Variants in CEP250 observed in about 807,000 individuals in gnomAD.
The protein encoded by CEP250 is centrosome-associated protein CEP250.
Under a neutral mutation model 315.7 loss-of-function variants are expected in CEP250, and 242 were observed. The ratio of observed to expected loss-of-function variants is 0.77; its 90% CI spans 0.69 to 0.85. CEP250 has a LOEUF of 0.85. Ranked by LOEUF, CEP250 falls within the 40% of genes least tolerant of loss-of-function variation. CEP250 has a pLI of 0.00. For synonymous variants in CEP250, 1,088 were observed against 1,175.0 expected, an observed-to-expected ratio of 0.93 and a Z score of 1.51; for missense variants, 2,515 against 2,886.4, an observed-to-expected ratio of 0.87 and a Z score of 2.95.
chr20:35,476,656 A>T, intron 16 of CEP250, 61 bp downstream of exon 16: 4 of 1,433,542 alleles, frequency 2.8e-6, no homozygotes, highest in Non-Finnish European at 3.9e-6. Flanking sequence ...AGCAAGACGG[A>T]TCAGCTCCCA....
At chr20:35,495,822 G>A (rs1346167175) in intron 24 of CEP250, among the ~76,000 whole-genome samples, 5 of 152,134 alleles carry the variant, frequency 3.3e-5, no homozygotes, top group Non-Finnish European at 7.4e-5. Flanking sequence ...TGAATCTAGA[G>A]GCAGGAAGAC....
At chr20:35,468,540 A>G (rs2062947688) in intron 9 of CEP250, among the ~76,000 whole-genome samples, 1 of 152,228 alleles carries the variant, frequency 6.6e-6, no homozygotes, top group Non-Finnish European at 1.5e-5. Flanking sequence ...GGAGGTACAT[A>G]CATAAAATGC....
At chr20:35,460,309 G>A (rs980640454) in intron 3 of CEP250, among the ~76,000 whole-genome samples, 2 of 152,164 alleles carry the variant, frequency 1.3e-5, no homozygotes, top group Non-Finnish European at 2.9e-5. Flanking sequence ...AAGTATCTTC[G>A]GTTGTTCAGG....
rs759472608 is a variant in CEP250 at position 35,511,417 on chromosome 20, A to T, written c.7120A>T (p.Ile2374Phe). 6 of 1,613,392 alleles carry T rather than the reference A, an allele frequency of 3.7e-6. No homozygotes were observed. The change falls in exon 35 of 35, where the codon ATC becomes TTC. Residue 2374 changes from isoleucine to phenylalanine, a missense_variant. Transcript: ENST00000397527. ...TLERKQKQDY[I>F]TRSAQTSREL... Reference sequence around the variant, plus strand: ...GGAGCGGAAGCAGAAGCAGGACTACATCACCCGCTCAGCACAGACCAGCCG... The same window carrying T: ...GGAGCGGAAGCAGAAGCAGGACTACTTCACCCGCTCAGCACAGACCAGCCG...
Position 35,475,649 on chromosome 20 carries a change from G to A in CEP250, c.1716+3G>A, listed in dbSNP as rs200605614. 120 of 1,613,074 alleles carry A rather than the reference G, an allele frequency of 7.4e-5. No homozygotes were observed. Among genetic ancestry groups the A allele is most frequent in the Non-Finnish European group, 9.8e-5 (116 of 1,179,852 alleles). ...AAGTGACCGCAGCGCTGGCTAGGGT[G>A]CGTGGCCTCCTCTCCTCACTTGCTG... On this transcript the variant is annotated splice_donor_region_variant and intron_variant, in intron 15 of 34. Coordinates refer to ENST00000397527, the MANE Select transcript of CEP250 (RefSeq NM_007186.6).
chr20:35,467,316 G>A lies in CEP250; in HGVS notation c.612G>A (p.Glu204=), dbSNP rs747791151. 6.2e-7 allele frequency: 1 copy of A among 1,613,598 alleles called. No individual in the cohort carries two copies. Among genetic ancestry groups the A allele is most frequent in the Non-Finnish European group, 8.5e-7 (1 of 1,179,570 alleles). The change falls in exon 9 of 35, where the codon GAG becomes GAA. Residue 204 remains glutamate, a synonymous_variant. Coordinates refer to ENST00000397527, the MANE Select transcript of CEP250 (RefSeq NM_007186.6). ...MKSATDRDLM[E]LKAEHVRLSG... ...TGCTTGTACTCAGAGATCTGATGGA[G>A]CTAAAAGCTGAGCATGTGAGGCTTT... is the stretch of plus-strand genomic sequence containing the variant.
chr20:35,490,158 C>A (rs1362129559), intron 20 of CEP250, among the ~76,000 whole-genome samples: 1 of 151,976 alleles, frequency 6.6e-6, no homozygotes. Flanking sequence ...ACTAAAAATA[C>A]AAAAATTAGC....
intron 11 of CEP250, among the ~76,000 whole-genome samples, 169 bp downstream of exon 11, chr20:35,472,320 C>T (rs575119694): frequency 6.6e-6 from 1 of 152,340 alleles, no homozygotes; most frequent in African/African-American, 2.4e-5. Flanking sequence ...GATAGCTAAG[C>T]ATTCACGTTT....
intron 30 of CEP250, among the ~76,000 whole-genome samples, chr20:35,505,537 C>G (rs2064160714): frequency 1.3e-5 from 2 of 151,654 alleles, no homozygotes; most frequent in African/African-American, 4.8e-5. Context: ...CCTGTGATCC[C>G]AGCTACTTGG....
Position 35,473,260 on chromosome 20 carries a change from G to A in CEP250, c.1210-114G>A, listed in dbSNP as rs955213871. ...TTGAATAGTTGCATCTCCCTTCTCA[G>A]CTTTCTTTTGTTGCACCAGCCCCCG... On this transcript the variant is annotated intron_variant, in intron 12 of 34. Coordinates refer to ENST00000397527, the MANE Select transcript of CEP250 (RefSeq NM_007186.6). 6 of 824,404 alleles carry A rather than the reference G, an allele frequency of 7.3e-6. No individual in the cohort carries two copies. In the Admixed American group the frequency reaches 8.3e-5, roughly 11 times the overall value. 51.1% of individuals were successfully genotyped at this position (824,404 alleles called of 1,614,324 possible). A position where few individuals can be genotyped will look rare whatever the true frequency, so the allele number is the denominator to read the frequency against.
chr20:35,500,332 G>A (rs975564872), intron 28 of CEP250, among the ~76,000 whole-genome samples, 163 bp downstream of exon 28: 15 of 152,128 alleles, frequency 9.9e-5, no homozygotes, highest in African/African-American at 2.4e-4. Context: ...TCACGACTTC[G>A]GCTCGCTGCA....
At position 35,504,980 on chromosome 20, in the gene CEP250, G is replaced by A. The variant is rs188311566; in HGVS notation, c.6611G>A (p.Arg2204Gln). 6.1e-4 allele frequency: 981 copies of A among 1,610,452 alleles called. 18 individuals are homozygous for A. In the Admixed American group the frequency reaches 0.015, roughly 25 times the overall value. Residue 2204 changes from arginine to glutamine, a missense_variant, in exon 30 of 35, where the codon CGG (arginine) becomes CAG (glutamine). Transcript: ENST00000397527. ...TTCCTACAAGCCTCTGTCCTGGAGCGGGACTCAGAACAGCAAAGGCTGCAG... is the reference window on the plus strand; with the variant it reads ...TTCCTACAAGCCTCTGTCCTGGAGCAGGACTCAGAACAGCAAAGGCTGCAG... ...AMFLQASVLE[R>Q]DSEQQRLQDE...
At position 35,479,232 on chromosome 20, in the gene CEP250, C is replaced by T; in HGVS notation, c.2096C>T (p.Ser699Leu). 1 of 1,613,270 alleles carries T rather than the reference C, an allele frequency of 6.2e-7. No individual in the cohort carries two copies. Among genetic ancestry groups the T allele is most frequent in the African/African-American group, 1.3e-5 (1 of 75,044 alleles). Residue 699 changes from serine (S) to leucine (L), a missense_variant and splice_region_variant, in exon 18 of 35, where the codon TCA becomes TTA. Coordinates refer to ENST00000397527, the MANE Select transcript of CEP250 (RefSeq NM_007186.6). ...CTCTCACCACATTCTTCCCCTCAGT[C>T]ACGTCACCAGCAGGAGGCAGCCACG... is the stretch of plus-strand genomic sequence containing the variant. ...KEEIQKKLSE[S>L]RHQQEAATTQ...
rs1379361926 is a variant in CEP250, at chr20:35,469,952, T to C, written c.914T>C (p.Met305Thr). ...AAGCAAAATGAAGATTATGAAAAGA[T>C]GATAAAGGCTCTGAGAGAGACAGTG... ...SQKQNEDYEK[M>T]IKALRETVEI... Residue 305 changes from methionine to threonine, a missense_variant, in exon 10 of 35, where the codon ATG (methionine) becomes ACG (threonine). Transcript: ENST00000397527. 1.2e-6 allele frequency: 2 copies of C among 1,613,790 alleles called. No individual in the cohort carries two copies. Among genetic ancestry groups the C allele is most frequent in the Non-Finnish European group, 1.7e-6 (2 of 1,179,842 alleles).
intron 3 of CEP250, among the ~76,000 whole-genome samples, chr20:35,461,221 C>G (rs1441573428): frequency 1.3e-5 from 2 of 152,112 alleles, no homozygotes; most frequent in Non-Finnish European, 2.9e-5. Flanking sequence ...TGGTGAGAGT[C>G]TTAGGGTTAA....
intron 1 of CEP250, among the ~76,000 whole-genome samples, chr20:35,457,749 A>G (rs1017277972): frequency 2.0e-5 from 3 of 152,168 alleles, no homozygotes; most frequent in African/African-American, 7.2e-5. Flanking sequence ...CAGTGAGCTG[A>G]GATCATGCCA....
chr20:35,491,018 A>G, intron 21 of CEP250, 194 bp from the exon 22 acceptor site: 9 of 798,264 alleles, frequency 1.1e-5, no homozygotes, highest in Non-Finnish European at 1.8e-5. Flanking sequence ...CATGTACCAC[A>G]TCCTGTCAGC....
chr20:35,459,310 A>G (rs1274679734), intron 2 of CEP250, among the ~76,000 whole-genome samples: 1 of 151,928 alleles, frequency 6.6e-6, no homozygotes, highest in Non-Finnish European at 1.5e-5. Flanking sequence ...ATTGTAATAT[A>G]ATTTTCTTTA....
chr20:35,470,725 C>G (rs1370113425), intron 10 of CEP250, among the ~76,000 whole-genome samples: 2 of 152,162 alleles, frequency 1.3e-5, no homozygotes, highest in Admixed American at 6.5e-5. Flanking sequence ...TGCACTACAG[C>G]CTGGGCAACA....
Sources: allele counts gnomAD v4.1 joint callset (sites outside exome capture counted in the v4.1 genomes callset), GRCh38; gene constraint gnomAD v4.1.1; transcripts MANE v1.5; gene names NCBI Gene and HGNC (gene_info 2026-07-23, HGNC 2026-07-21).